The following SPOCK1 variants were observed in gnomAD, a reference collection of about 807,000 sequenced individuals.
SPOCK1 encodes testican-1.
SPOCK1 carries 23 observed loss-of-function variants against 55.3 expected under a neutral mutation model. The observed-to-expected ratio is 0.42, with a 90% CI of 0.30 to 0.59. The LOEUF is 0.59. SPOCK1 is among the 20% of genes least tolerant of loss of function. The pLI, the probability that SPOCK1 is intolerant of heterozygous loss-of-function variation, is 0.22. For missense variants in SPOCK1, 499 were observed against 552.5 expected (o/e 0.90, Z 0.97); for synonymous variants, 226 against 221.0 (o/e 1.02, Z -0.20).
chr5:137,268,169 A>G (rs1377116766), intron 2 of SPOCK1, among the ~76,000 whole-genome samples: 1 of 152,196 alleles, frequency 6.6e-6, no homozygotes. Context: ...TCAATTATGT[A>G]GCTTTATTAT....
chr5:137,370,906 T>C lies in SPOCK1; in HGVS notation c.187-103851A>G, dbSNP rs1751187823. On this transcript the variant is annotated intron_variant, in intron 2 of 10. Coordinates refer to ENST00000394945, the MANE Select transcript of SPOCK1 (RefSeq NM_004598.4). ...AGGTCCATGAATGCATCGTATAAAA[T>C]CTGCCTGTCTGACACAAAGGGACAG... is the stretch of plus-strand genomic sequence containing the variant. 2.0e-5 allele frequency among the ~76,000 whole-genome samples: 3 copies of C among 152,192 alleles called. No individual in the cohort carries two copies. The South Asian group carries it at 6.2e-4, about 32-fold the overall frequency.
chr5:137,450,063 A>T (rs1465302728), intron 2 of SPOCK1, among the ~76,000 whole-genome samples: 1 of 152,086 alleles, frequency 6.6e-6, no homozygotes, highest in African/African-American at 2.4e-5. Context: ...GATACCTCCC[A>T]AAAAGGGCAG....
intron 2 of SPOCK1, chr5:137,365,252 C>T (rs148587647): frequency 1.3e-5 from 2 of 152,394 alleles, no homozygotes. Flanking sequence ...AGAGCCCCAG[C>T]CATTCTGTCC....
At chr5:137,492,966 T>C (rs1399184153) in intron 2 of SPOCK1, among the ~76,000 whole-genome samples, 1 of 152,254 alleles carries the variant, frequency 6.6e-6, no homozygotes, top group Non-Finnish European at 1.5e-5. Context: ...TTCATTAAAA[T>C]GGTGCATCTT....
intron 2 of SPOCK1, among the ~76,000 whole-genome samples, chr5:137,357,476 G>T (rs908569225): frequency 1.3e-5 from 2 of 152,168 alleles, no homozygotes; most frequent in African/African-American, 4.8e-5. Context: ...CAAGGTCAGT[G>T]GGAATATAAA....
At chr5:137,035,350 T>G (rs914073890) in intron 6 of SPOCK1, among the ~76,000 whole-genome samples, 1 of 152,180 alleles carries the variant, frequency 6.6e-6, no homozygotes, top group East Asian at 1.9e-4. Flanking sequence ...GGGTCTTCAC[T>G]GCTTTCAGGA....
At chr5:137,009,516 C>CT (rs1277411355) in intron 6 of SPOCK1, among the ~76,000 whole-genome samples, 2 of 152,054 alleles carry the variant, frequency 1.3e-5, no homozygotes, top group African/African-American at 4.8e-5. Context: ...TCAAGAGCCT[C>CT]TTCAAGCATA....
chr5:137,137,047 C>G (rs986495136), intron 4 of SPOCK1, among the ~76,000 whole-genome samples: 1 of 152,232 alleles, frequency 6.6e-6, no homozygotes, highest in Non-Finnish European at 1.5e-5. Context: ...GTGTGTCAAA[C>G]AGCTTCTCTG....
At chr5:137,115,550 T>G in intron 4 of SPOCK1, among the ~76,000 whole-genome samples, 1 of 152,160 alleles carries the variant, frequency 6.6e-6, no homozygotes. Context: ...TGGACATACT[T>G]GATATCAGGT....
chr5:137,123,952 A>G (rs1479312606), intron 4 of SPOCK1, among the ~76,000 whole-genome samples: 2 of 152,154 alleles, frequency 1.3e-5, no homozygotes, highest in African/African-American at 4.8e-5. Context: ...CCCCAATGCC[A>G]GCACCCTGAA....
intron 2 of SPOCK1, among the ~76,000 whole-genome samples, chr5:137,351,630 T>C (rs941989691): frequency 2.0e-5 from 3 of 152,160 alleles, no homozygotes; most frequent in Non-Finnish European, 2.9e-5. Flanking sequence ...GGGCCTGACA[T>C]CCAGTGCTGT....
At chr5:137,128,298 A>G (rs1753813709) in intron 4 of SPOCK1, among the ~76,000 whole-genome samples, 1 of 152,224 alleles carries the variant, frequency 6.6e-6, no homozygotes, top group African/African-American at 2.4e-5. Flanking sequence ...CCCAGTCTAT[A>G]GTATCGTCTT....
chr5:137,153,978 G>T (rs1485308202), intron 3 of SPOCK1, among the ~76,000 whole-genome samples: 2 of 151,948 alleles, frequency 1.3e-5, no homozygotes, highest in Non-Finnish European at 1.5e-5. Context: ...TAAGACCTAA[G>T]CAGCACATTT....
chr5:137,107,532 T>A (rs1753392255), intron 5 of SPOCK1, among the ~76,000 whole-genome samples: 1 of 152,188 alleles, frequency 6.6e-6, no homozygotes, highest in Non-Finnish European at 1.5e-5. Flanking sequence ...TGAATAAACA[T>A]TTATTGCCAT....
At chr5:137,069,288 G>A (rs1752565360) in intron 5 of SPOCK1, among the ~76,000 whole-genome samples, 1 of 152,148 alleles carries the variant, frequency 6.6e-6, no homozygotes. Flanking sequence ...TCAGGGAGAG[G>A]GCAACAGAGC....
At chr5:137,229,828 C>T (rs1450736278) in intron 3 of SPOCK1, among the ~76,000 whole-genome samples, 1 of 152,122 alleles carries the variant, frequency 6.6e-6, no homozygotes, top group Non-Finnish European at 1.5e-5. Flanking sequence ...CTAGGTCCCT[C>T]ACATGTACAG....
At chr5:137,384,422 CATGG>C (rs1751554027) in intron 2 of SPOCK1, among the ~76,000 whole-genome samples, 1 of 152,134 alleles carries the variant, frequency 6.6e-6, no homozygotes, top group Non-Finnish European at 1.5e-5. Flanking sequence ...GGTATGCCAC[CATGG>C]ACAACTAATG....
chr5:137,241,812 A>C (rs540075707), intron 3 of SPOCK1, among the ~76,000 whole-genome samples: 4 of 152,322 alleles, frequency 2.6e-5, no homozygotes, highest in African/African-American at 9.6e-5. Context: ...CTGTTATAAT[A>C]GCACAAAGAG....
chr5:137,393,969 A>G (rs1182649130), intron 2 of SPOCK1, among the ~76,000 whole-genome samples: 1 of 151,992 alleles, frequency 6.6e-6, no homozygotes, highest in Non-Finnish European at 1.5e-5. Context: ...AGTATTTTCT[A>G]TTTTTCTACA....
Sources: allele counts gnomAD v4.1 joint callset (sites outside exome capture counted in the v4.1 genomes callset), GRCh38; gene constraint gnomAD v4.1.1; transcripts MANE v1.5; gene names NCBI Gene and HGNC (gene_info 2026-07-23, HGNC 2026-07-21).